Variants in MUC6 observed in about 807,000 individuals in gnomAD.
MUC6 encodes mucin 6, oligomeric mucus/gel-forming (gene/pseudogene).
In MUC6, 188 loss-of-function variants were observed where a neutral mutation model predicts 201.5. The observed-to-expected ratio is 0.93, with a 90% CI of 0.83 to 1.05. The LOEUF is 1.05. MUC6 is among the 50% of genes least tolerant of loss of function. The pLI is 0.00. For synonymous variants in MUC6, 1,228 were observed against 1,389.4 expected (o/e 0.88, Z 2.58); for missense variants, 2,706 against 3,256.9 (o/e 0.83, Z 4.12).
chr11:1,032,818 G>A (rs61869015), intron 2 of MUC6, among the ~76,000 whole-genome samples, 195 bp downstream of exon 2: 1,985 of 151,398 alleles, frequency 0.013, 12 homozygotes, highest in Non-Finnish European at 0.021. Flanking sequence ...ATGTGTATGC[G>A]TGTGTCAGGT....
intron 24 of MUC6, 73 bp from the exon 25 acceptor site, chr11:1,024,176 G>C (rs950534330): frequency 6.6e-6 from 10 of 1,522,084 alleles, no homozygotes; most frequent in Non-Finnish European, 8.0e-6. Flanking sequence ...CACCTGCAGG[G>C]CCCTCAGTGT....
rs755746953 is a variant in MUC6, at chr11:1,019,277, A to G, written c.4028T>C (p.Leu1343Pro). 5.0e-6 allele frequency: 8 copies of G among 1,613,742 alleles called. No homozygotes were observed. In the East Asian group the frequency reaches 6.7e-5, roughly 13 times the overall value. ...TPATSGTSPT[L>P]PKSTNQELPG... is the part of the protein sequence containing the mutation. ...CATCCCATGGCGCCATGACTTACGC[A>G]GCGTGGGGCTTGTCCCTGATGTGGC... Residue 1343 changes from leucine (L) to proline (P), a missense_variant and splice_region_variant, in exon 30 of 33, where the codon CTG becomes CCG. By Grantham distance (98) the Leu-to-Pro change is moderately conservative (BLOSUM62 -3). Coordinates refer to ENST00000421673, the MANE Select transcript of MUC6 (RefSeq NM_005961.3).
At chr11:1,028,486 T>G (rs1404866830) in intron 13 of MUC6, 99 bp from the exon 14 acceptor site, 2 of 1,545,148 alleles carry the variant, frequency 1.3e-6, no homozygotes, top group Non-Finnish European at 1.7e-6. Context: ...AACAGCACCC[T>G]GGGTGAGAGG....
chr11:1,024,724 G>C, intron 24 of MUC6, 120 bp downstream of exon 24: 1 of 1,443,070 alleles, frequency 6.9e-7, no homozygotes, highest in Non-Finnish European at 9.2e-7. Context: ...TCTGCACCCT[G>C]ACCTGGCTGG....
intron 10 of MUC6, 24 bp downstream of exon 10, chr11:1,029,204 C>G: frequency 6.2e-7 from 1 of 1,605,860 alleles, no homozygotes. Context: ...CGCCCCTCCC[C>G]ACGGGCCACA....
chr11:1,016,525 A>G lies in MUC6; in HGVS notation c.6276T>C (p.Ser2092=). Residue 2092 remains serine, a synonymous_variant, in exon 31 of 33, where the codon TCT becomes TCC. Coordinates refer to ENST00000421673, the MANE Select transcript of MUC6 (RefSeq NM_005961.3). The part of the protein sequence containing the change: ...TASSSFISSS[S]WLPQNSSSRP... ...TTGAGCTAGAGTTCTGAGGCAGCCA[A>G]GACGAGGAGGATATGAAGGAAGAAG... is the stretch of plus-strand genomic sequence containing the variant. 6.3e-7 allele frequency: 1 copy of G among 1,585,006 alleles called. No individual in the cohort carries two copies. The highest frequency in any genetic ancestry group is 2.3e-5 in the East Asian group (1 of 44,104).
chr11:1,029,010 C>A, intron 11 of MUC6, 36 bp downstream of exon 11: 5 of 1,612,812 alleles, frequency 3.1e-6, no homozygotes, highest in Non-Finnish European at 4.2e-6. Context: ...GGGAGCGGAG[C>A]CCTGCTGGCA....
At position 1,027,306 on chromosome 11, in the gene MUC6, G is replaced by A. The variant is rs1475760401; in HGVS notation, c.2193C>T (p.Ile731=). The part of the protein sequence containing the change: ...CPCILEGYKF[I]LAEQSTVING... ...TGATGACAGTGGACTGCTCGGCCAGGATGAACTTGTAACCCTCCAGTATGC... is the reference window on the plus strand; with the variant it reads ...TGATGACAGTGGACTGCTCGGCCAGAATGAACTTGTAACCCTCCAGTATGC... Residue 731 remains isoleucine (I), a synonymous_variant, in exon 17 of 33, where the codon ATC becomes ATT. Coordinates refer to ENST00000421673, the MANE Select transcript of MUC6 (RefSeq NM_005961.3). 1.2e-6 allele frequency: 2 copies of A among 1,612,710 alleles called. No homozygotes were observed. The highest frequency in any genetic ancestry group is 2.7e-5 in the African/African-American group (2 of 74,934).
At position 1,029,483 on chromosome 11, in the gene MUC6, C is replaced by T. The variant is rs371730523; in HGVS notation, c.1136+12G>A. On this transcript the variant is annotated intron_variant, in intron 9 of 32. Coordinates refer to ENST00000421673, the MANE Select transcript of MUC6 (RefSeq NM_005961.3). ...GCCGGCCGGCCAGAGCCCCCTCCGG[C>T]GCCTCACTCACCAGGTTTGGCAGGC... 6.6e-5 allele frequency: 107 copies of T among 1,611,436 alleles called. No individual in the cohort carries two copies. The highest frequency in any genetic ancestry group is 4.5e-4 in the South Asian group (41 of 90,936).
At position 1,013,680 on chromosome 11, in the gene MUC6, A is replaced by C. The variant is rs986151880; in HGVS notation, c.7143-47T>G. ...GCAGGGTCATGACTGCTGCAGGGGC[A>C]TAAGGCCCCTCCCTCCCCAGGGCAG... On this transcript the variant is annotated intron_variant, in intron 32 of 32. Coordinates refer to ENST00000421673, the MANE Select transcript of MUC6 (RefSeq NM_005961.3). 2.6e-6 allele frequency: 4 copies of C among 1,522,386 alleles called. No individual in the cohort carries two copies. The Admixed American group carries it at 6.1e-5, about 23-fold the overall frequency. The allele number at this position is 1,522,386 out of a possible 1,614,324, so 94.3% of individuals were successfully genotyped here.
intron 15 of MUC6, 41 bp downstream of exon 15, chr11:1,027,923 AG>A: frequency 1.3e-6 from 2 of 1,561,512 alleles, no homozygotes; most frequent in Non-Finnish European, 1.7e-6. Flanking sequence ...CAGCCACCAC[AG>A]CCTCCCCTGC....
At position 1,026,980 on chromosome 11, in the gene MUC6, A is replaced by T; in HGVS notation, c.2355T>A (p.Cys785Ter). Residue 785 changes from cysteine (C) to a stop codon, truncating the protein, a stop_gained, in exon 19 of 33, where the codon TGT becomes TGA. Transcript: ENST00000421673. LOFTEE classifies it high-confidence loss of function. ...QSSENKFGAA[C>*]APTCQMLATG... is the part of the protein sequence containing the mutation. The stretch of plus-strand genomic sequence containing the variant: ...TGGCCAGCATCTGGCATGTGGGGGC[A>T]CAGGCTGCCCCAAACTTGTTCTCGG... 1 of 1,600,126 alleles carries T rather than the reference A, an allele frequency of 6.2e-7. No individual in the cohort carries two copies. The highest frequency in any genetic ancestry group is 8.5e-7 in the Non-Finnish European group (1 of 1,174,168).
At chr11:1,022,870 T>A (rs1856848551) in intron 26 of MUC6, among the ~76,000 whole-genome samples, 1 of 152,178 alleles carries the variant, frequency 6.6e-6, no homozygotes, top group Non-Finnish European at 1.5e-5. Flanking sequence ...TGAATGTGCA[T>A]GGGTGAATGT....
chr11:1,021,405 C>G, intron 26 of MUC6, 128 bp from the exon 27 acceptor site: 4 of 532,322 alleles, frequency 7.5e-6, no homozygotes, highest in Non-Finnish European at 9.2e-6. Flanking sequence ...GAGTCTCGCT[C>G]TGTCGCCCAG....
chr11:1,018,461 A>G lies in MUC6; in HGVS notation c.4340T>C (p.Val1447Ala), dbSNP rs773337260. The G allele has an allele frequency of 1.0e-4, 163 of 1,614,040 alleles. No homozygotes were observed. In the East Asian group the frequency reaches 3.5e-3, roughly 35 times the overall value. Residue 1447 changes from valine to alanine, a missense_variant, in exon 31 of 33, where the codon GTT becomes GCT. This residue lies in a region of MUC6 where 128 missense variants were observed against 206.5 expected (regional missense o/e 0.62). Coordinates refer to ENST00000421673, the MANE Select transcript of MUC6 (RefSeq NM_005961.3). ...SHPETTLPTH[V>A]PPFSTSLVTP... is the part of the protein sequence containing the mutation. ...CACCAAGGAGGTGGAGAAAGGTGGA[A>G]CGTGAGTGGGAAGTGTGGTCTCAGG... is the stretch of plus-strand genomic sequence containing the variant.
chr11:1,026,782 C>G (rs374127646), intron 19 of MUC6, among the ~76,000 whole-genome samples, 159 bp downstream of exon 19: 2 of 152,384 alleles, frequency 1.3e-5, no homozygotes, highest in East Asian at 3.9e-4. Context: ...CCCCCGGGGC[C>G]TCCAGCTGCC....
chr11:1,036,195 T>C (rs1391519707), intron 1 of MUC6, among the ~76,000 whole-genome samples: 1 of 152,058 alleles, frequency 6.6e-6, no homozygotes, highest in Non-Finnish European at 1.5e-5. Context: ...GCAGAGACTG[T>C]GCCTCTGTCC....
chr11:1,029,422 G>A (rs1857049268), intron 9 of MUC6, 56 bp from the exon 10 acceptor site: 2 of 1,597,034 alleles, frequency 1.3e-6, no homozygotes, highest in Non-Finnish European at 1.7e-6. Flanking sequence ...GAGCCAGACA[G>A]CACACCCCTG....
intron 8 of MUC6, 77 bp from the exon 9 acceptor site, chr11:1,029,692 G>T: frequency 6.8e-7 from 1 of 1,478,318 alleles, no homozygotes. Context: ...CCAGGGAGAC[G>T]CCCCCTCCAG....
Sources: gnomAD v4.1 joint callset for allele counts (sites outside exome capture counted in the v4.1 genomes callset) on GRCh38, gnomAD v4.1.1 for gene constraint, gnomAD v4.1.1 regional missense constraint, MANE v1.5 for transcripts, NCBI Gene and HGNC (gene_info 2026-07-23, HGNC 2026-07-21) for gene names.